TG: variants seen among roughly 807,000 people sequenced by gnomAD.
TG encodes the protein thyroid hormones.
Under a neutral mutation model 324.7 loss-of-function variants are expected in TG, and 270 were observed. The ratio of observed to expected loss-of-function variants is 0.83; its 90% CI spans 0.75 to 0.92. TG has a LOEUF of 0.92. Ranked by LOEUF, TG falls within the 40% of genes least tolerant of loss-of-function variation. The pLI, the probability that TG is intolerant of heterozygous loss-of-function variation, is 0.00. For synonymous variants in TG, 1,401 were observed against 1,327.0 expected (o/e 1.06, Z -1.21); for missense variants, 3,591 against 3,456.4 (o/e 1.04, Z -0.98).
At chr8:132,899,739 G>A (rs1244010309) in intron 14 of TG, among the ~76,000 whole-genome samples, 1 of 152,166 alleles carries the variant, frequency 6.6e-6, no homozygotes, top group African/African-American at 2.4e-5. Flanking sequence ...AGAAGGAGAG[G>A]TAGAAGCCAC....
intron 35 of TG, among the ~76,000 whole-genome samples, chr8:132,991,117 A>C (rs1016976333): frequency 6.6e-6 from 1 of 151,354 alleles, no homozygotes; most frequent in Non-Finnish European, 1.5e-5. Context: ...CATTACCATG[A>C]GCTGCCCTGA....
chr8:133,101,231 G>A lies in TG; in HGVS notation c.7572+4858G>A, dbSNP rs997225536. Among the ~76,000 whole-genome samples, 27 of 152,296 alleles carry A rather than the reference G, an allele frequency of 1.8e-4. 1 individual carries two copies. The highest frequency in any genetic ancestry group is 1.2e-3 in the South Asian group (6 of 4,828). ...TTCTACCCCACACAGAACTGCAAGA[G>A]GGCACAGTGGACAACCAAGTGGAAA... On this transcript the variant is annotated intron_variant, in intron 43 of 47. Transcript: ENST00000220616.
intron 1 of TG, among the ~76,000 whole-genome samples, chr8:132,867,580 C>A (rs78855066): frequency 6.8e-6 from 1 of 146,108 alleles, no homozygotes; most frequent in South Asian, 2.1e-4. Context: ...CCTCATGATG[C>A]GGTTGTGATT....
intron 15 of TG, 149 bp from the exon 16 acceptor site, chr8:132,901,204 C>T: frequency 1.2e-6 from 1 of 827,030 alleles, no homozygotes; most frequent in Non-Finnish European, 2.0e-6. Context: ...TGTCATTCAA[C>T]CTCCTGGTGG....
rs1334194296 is a variant in TG at position 133,000,476 on chromosome 8, A to G, written c.6263-11425A>G. Among the ~76,000 whole-genome samples the G allele has an allele frequency of 2.6e-5, 4 of 152,204 alleles. No individual in the cohort carries two copies. The East Asian group carries it at 5.8e-4, about 22-fold the overall frequency. On this transcript the variant is annotated intron_variant, in intron 35 of 47. Transcript: ENST00000220616. ...ACCAATAATTGAGACTTAGCGTATA[A>G]TTTACTCCAAGTCACAGAGCTGGCA... is the stretch of plus-strand genomic sequence containing the variant.
Position 133,127,792 on chromosome 8 carries a change from C to T in TG, c.7863-4020C>T, listed in dbSNP as rs182090226. ...GACTGTTTTCTGCCAGCTGCACCAGCCCCCACCTGCCCTGGCTCTCCTTGT... is the reference window on the plus strand; with the variant it reads ...GACTGTTTTCTGCCAGCTGCACCAGTCCCCACCTGCCCTGGCTCTCCTTGT... On this transcript the variant is annotated intron_variant, in intron 45 of 47. Transcript: ENST00000220616. Among the ~76,000 whole-genome samples the T allele has an allele frequency of 9.3e-3, 1,413 of 152,234 alleles. 11 individuals are homozygous for T. The highest frequency in any genetic ancestry group is 0.02 in the Middle Eastern group (6 of 294).
At chr8:132,961,168 G>A in intron 28 of TG, 95 bp downstream of exon 28, 1 of 1,247,554 alleles carries the variant, frequency 8.0e-7, no homozygotes. Context: ...TATTTCTGTA[G>A]AGGAATAGGT....
At chr8:132,872,510 T>TA (rs1839589627) in intron 4 of TG, among the ~76,000 whole-genome samples, 1 of 146,934 alleles carries the variant, frequency 6.8e-6, no homozygotes, top group East Asian at 2.0e-4. Context: ...AATGTTGCAG[T>TA]AAGCTAAGGT....
In TG at chr8:132,887,749, T is replaced by C. The variant is rs994300586; in HGVS notation, c.2176+201T>C. On this transcript the variant is annotated intron_variant, in intron 9 of 47. Coordinates refer to ENST00000220616, the MANE Select transcript of TG (RefSeq NM_003235.5). ...CTAGGAGTAAATGGGGAGATTTGTC[T>C]GGCCTTAAAGAACTGCCACATTTCT... is the stretch of plus-strand genomic sequence containing the variant. Among the ~76,000 whole-genome samples the C allele has an allele frequency of 2.6e-5, 4 of 152,202 alleles. No homozygotes were observed. In the East Asian group the frequency reaches 5.8e-4, roughly 22 times the overall value.
intron 21 of TG, among the ~76,000 whole-genome samples, chr8:132,921,454 C>A (rs936897449): frequency 4.6e-5 from 7 of 152,182 alleles, no homozygotes; most frequent in African/African-American, 1.7e-4. Context: ...AGGATCTGTT[C>A]ATACCTAAGA....
chr8:133,090,589 T>C (rs1847342386), intron 41 of TG, among the ~76,000 whole-genome samples: 1 of 152,240 alleles, frequency 6.6e-6, no homozygotes, highest in Non-Finnish European at 1.5e-5. Flanking sequence ...TTCATCAAGT[T>C]ACATTGTAGG....
chr8:133,059,203 A>G, intron 41 of TG: 1 of 450,652 alleles, frequency 2.2e-6, no homozygotes, highest in Non-Finnish European at 4.5e-6. Context: ...CTGCGAGGAA[A>G]TGGGACACCA....
chr8:133,094,948 A>G, intron 41 of TG, 96 bp from the exon 42 acceptor site: 1 of 1,561,200 alleles, frequency 6.4e-7, no homozygotes, highest in Non-Finnish European at 8.8e-7. Flanking sequence ...AGCTTGGAGG[A>G]AGGATGCAGA....
At chr8:132,892,103 A>T (rs914330168) in intron 10 of TG, among the ~76,000 whole-genome samples, 4 of 152,240 alleles carry the variant, frequency 2.6e-5, no homozygotes, top group Admixed American at 6.5e-5. Flanking sequence ...CTGGTCGCAC[A>T]ACTAATAAAT....
intron 41 of TG, chr8:133,049,442 A>G (rs975869382): frequency 1.8e-5 from 5 of 271,862 alleles, no homozygotes; most frequent in African/African-American, 1.1e-4. Context: ...CTTTGATCAT[A>G]TTATCATATA....
At chr8:133,121,460 G>A (rs774812236) in intron 45 of TG, among the ~76,000 whole-genome samples, 2 of 152,140 alleles carry the variant, frequency 1.3e-5, no homozygotes, top group Non-Finnish European at 2.9e-5. Context: ...TAAAGAAATC[G>A]TTTAGTTCTC....
intron 43 of TG, among the ~76,000 whole-genome samples, chr8:133,111,948 G>A (rs980625709): frequency 4.6e-5 from 7 of 152,202 alleles, no homozygotes; most frequent in Non-Finnish European, 1.0e-4. Context: ...CTTGCTTCTC[G>A]TTCAGCCGGG....
chr8:132,979,597 A>C (rs1177613988), intron 34 of TG, among the ~76,000 whole-genome samples: 1 of 152,190 alleles, frequency 6.6e-6, no homozygotes, highest in Non-Finnish European at 1.5e-5. Flanking sequence ...CTAGGCTAGC[A>C]TTTGGCATGC....
chr8:133,074,957 C>T, intron 41 of TG: 1 of 985,540 alleles, frequency 1.0e-6, no homozygotes, highest in Non-Finnish European at 1.2e-6. Flanking sequence ...CCAGAATAAA[C>T]AGGCAGCCGG....
Sources: allele counts gnomAD v4.1 joint callset (sites outside exome capture counted in the v4.1 genomes callset), GRCh38; gene constraint gnomAD v4.1.1; transcripts MANE v1.5; gene names NCBI Gene and HGNC (gene_info 2026-07-23, HGNC 2026-07-21).